GLI3: variants seen among roughly 807,000 people sequenced by gnomAD.
GLI3 encodes the protein transcription activator GLI3.
GLI3 carries 20 observed loss-of-function variants against 100.8 expected under a neutral mutation model. The ratio of observed to expected loss-of-function variants is 0.20; its 90% confidence interval spans 0.14 to 0.29. The LOEUF (loss-of-function observed/expected upper bound fraction) is 0.29. Ranked by LOEUF, GLI3 falls within the 10% of genes least tolerant of loss-of-function variation. GLI3 has a pLI of 1.00. For synonymous variants in GLI3, 938 were observed against 860.5 expected, an observed-to-expected ratio of 1.09 and a Z score of -1.58; for missense variants, 2,040 against 2,128.5, an observed-to-expected ratio of 0.96 and a Z score of 0.82.
intron 2 of GLI3, among the ~76,000 whole-genome samples, chr7:42,182,664 A>ATATATACGTGTGTG (rs1554337049): frequency 1.4e-4 from 11 of 78,328 alleles, no homozygotes; most frequent in Admixed American, 9.7e-4. Context: ...ATATATATAT[A>ATATATACGTGTGTG]TATATATATA....
intron 1 of GLI3, among the ~76,000 whole-genome samples, chr7:42,248,609 T>TC (rs1788998352): frequency 1.3e-5 from 2 of 152,056 alleles, no homozygotes; most frequent in African/African-American, 2.4e-5. Flanking sequence ...TCCTTGGCAG[T>TC]CCCCCACAAG....
intron 3 of GLI3, among the ~76,000 whole-genome samples, chr7:42,147,595 C>A (rs1271031881): frequency 6.6e-6 from 1 of 152,138 alleles, no homozygotes; most frequent in African/African-American, 2.4e-5. Flanking sequence ...TTGGAGAAAA[C>A]CATCCCATAC....
chr7:42,245,717 T>C (rs1386419389), intron 1 of GLI3, among the ~76,000 whole-genome samples: 1 of 151,880 alleles, frequency 6.6e-6, no homozygotes, highest in Non-Finnish European at 1.5e-5. Flanking sequence ...AACAAAAAGA[T>C]GTATCTTATA....
intron 1 of GLI3, chr7:42,227,745 T>C (rs1788610384): frequency 6.6e-6 from 1 of 152,188 alleles, no homozygotes; most frequent in Non-Finnish European, 1.5e-5. Flanking sequence ...TGGCGAATTC[T>C]TGCCGGGACC....
chr7:42,190,791 C>T (rs571029334), intron 2 of GLI3, among the ~76,000 whole-genome samples: 1 of 152,102 alleles, frequency 6.6e-6, no homozygotes, highest in African/African-American at 2.4e-5. Context: ...ATACTAAATA[C>T]AATACTAGCA....
chr7:42,259,111 C>T (rs970356447), intron 1 of GLI3, among the ~76,000 whole-genome samples: 6 of 152,214 alleles, frequency 3.9e-5, no homozygotes, highest in African/African-American at 1.4e-4. Context: ...TAAACTTGTT[C>T]ATCATCTAGT....
intron 3 of GLI3, among the ~76,000 whole-genome samples, chr7:42,130,370 A>G (rs1459937601): frequency 6.6e-6 from 1 of 152,234 alleles, no homozygotes; most frequent in Non-Finnish European, 1.5e-5. Context: ...AGGAATGAGA[A>G]TGACCAATAT....
chr7:42,214,663 AG>A (rs1169776328), intron 2 of GLI3, among the ~76,000 whole-genome samples: 3 of 151,056 alleles, frequency 2.0e-5, no homozygotes, highest in Non-Finnish European at 2.9e-5. Flanking sequence ...AAGAAAAAAA[AG>A]ACAAAAAAAA....
intron 12 of GLI3, among the ~76,000 whole-genome samples, chr7:41,973,136 G>A (rs546006399): frequency 1.3e-5 from 2 of 152,322 alleles, no homozygotes; most frequent in South Asian, 4.1e-4. Flanking sequence ...TGCTATTTAT[G>A]CACAGGCATA....
intron 7 of GLI3, among the ~76,000 whole-genome samples, chr7:42,029,065 C>T (rs1789207151): frequency 1.3e-5 from 2 of 152,174 alleles, no homozygotes; most frequent in South Asian, 2.1e-4. Context: ...ACACAGTGGA[C>T]GGTGATCCTG....
chr7:41,972,292 T>A lies in GLI3; in HGVS notation c.2103+45A>T, dbSNP rs1394295146. On this transcript the variant is annotated intron_variant, in intron 13 of 14. Transcript: ENST00000395925. This position sits in a 1 kb window ranked among gnomAD's most constrained non-coding sequence, Gnocchi z 4.4. The stretch of plus-strand genomic sequence containing the variant: ...CCTCTATGCACCCTACCTGGCTCTT[T>A]TAAATGGGCCTGCTGTGAAGTCAGA... 37 of 1,589,874 alleles carry A rather than the reference T, an allele frequency of 2.3e-5. No homozygotes were observed. Among genetic ancestry groups the A allele is most frequent in the Non-Finnish European group, 2.9e-5 (34 of 1,158,962 alleles).
chr7:42,026,035 C>T (rs1213886670), intron 8 of GLI3, among the ~76,000 whole-genome samples, 164 bp downstream of exon 8: 1 of 152,202 alleles, frequency 6.6e-6, no homozygotes, highest in Non-Finnish European at 1.5e-5. Flanking sequence ...TTACACAACA[C>T]GTCCACCAAA....
At chr7:42,184,836 T>C (rs1787687554) in intron 2 of GLI3, among the ~76,000 whole-genome samples, 1 of 152,048 alleles carries the variant, frequency 6.6e-6, no homozygotes, top group African/African-American at 2.4e-5. Context: ...GGGACAACTC[T>C]TACTCCCCAC....
At chr7:42,237,253 C>G (rs1232831968), upstream of GLI3, among the ~76,000 whole-genome samples, 2 of 151,696 alleles carry the variant, frequency 1.3e-5, no homozygotes, top group African/African-American at 2.4e-5. Flanking sequence ...CCCTCCCGCT[C>G]GTGCAGCTCC....
intron 12 of GLI3, among the ~76,000 whole-genome samples, chr7:41,974,660 G>A (rs1246067575): frequency 6.6e-6 from 1 of 152,174 alleles, no homozygotes; most frequent in Non-Finnish European, 1.5e-5. Flanking sequence ...GATAATCATG[G>A]GAGGCATCAG....
At chr7:42,164,521 A>AAAAAAT (rs532036144) in intron 2 of GLI3, among the ~76,000 whole-genome samples, 4 of 151,722 alleles carry the variant, frequency 2.6e-5, no homozygotes, top group South Asian at 4.2e-4. Context: ...CTTGTCTAAA[A>AAAAAAT]AAAAATAAAA....
chr7:42,187,377 G>C (rs576101797), intron 2 of GLI3, among the ~76,000 whole-genome samples: 12 of 152,000 alleles, frequency 7.9e-5, no homozygotes, highest in Non-Finnish European at 1.6e-4. Context: ...CAAGGAAGAA[G>C]AAATCAAGAA....
intron 2 of GLI3, among the ~76,000 whole-genome samples, chr7:42,179,322 T>C (rs1236542688): frequency 2.0e-5 from 3 of 152,108 alleles, no homozygotes; most frequent in Non-Finnish European, 4.4e-5. Context: ...TATGTCTGTA[T>C]TGGCAGCGTG....
intron 2 of GLI3, among the ~76,000 whole-genome samples, chr7:42,190,645 A>G (rs1391114154): frequency 2.6e-5 from 4 of 152,312 alleles, no homozygotes; most frequent in African/African-American, 9.6e-5. Context: ...AAACTTTTCT[A>G]GATTAAGACA....
Sources: allele counts gnomAD v4.1 joint callset (sites outside exome capture counted in the v4.1 genomes callset), GRCh38; gene constraint gnomAD v4.1.1; non-coding constraint Gnocchi (gnomAD v3.1); transcripts MANE v1.5; gene names NCBI Gene and HGNC (gene_info 2026-07-23, HGNC 2026-07-21).